TBC1D30: variants seen among roughly 807,000 people sequenced by gnomAD.
TBC1D30 encodes the protein TBC1 domain family member 30, also known as TBC1 domain family, member 30.
Under a neutral mutation model 63.2 loss-of-function variants are expected in TBC1D30, and 31 were observed. The ratio of observed to expected loss-of-function variants is 0.49; its 90% CI spans 0.37 to 0.66. The LOEUF is 0.66. Among genes scored for constraint, TBC1D30 ranks in the 30% least tolerant of loss-of-function variants. The pLI is 0.00. For missense variants in TBC1D30, 810 were observed against 953.6 expected, an observed-to-expected ratio of 0.85 and a Z score of 1.98; for synonymous variants, 307 against 361.5, an observed-to-expected ratio of 0.85 and a Z score of 1.71.
intron 1 of TBC1D30, among the ~76,000 whole-genome samples, chr12:64,762,433 CA>C (rs1408676150): frequency 6.6e-6 from 1 of 151,994 alleles, no homozygotes; most frequent in Non-Finnish European, 1.5e-5. Flanking sequence ...GAGGGTAGAC[CA>C]ATTAGGTAGA....
In TBC1D30 at chr12:64,876,402, A is replaced by G. The variant is rs1879081626; in HGVS notation, c.*614A>G. The G allele has an allele frequency of 6.2e-6, 1 of 161,084 alleles. No individual in the cohort carries two copies. The highest frequency in any genetic ancestry group is 2.4e-5 in the African/African-American group (1 of 41,648). 10.0% of individuals were successfully genotyped at this position (161,084 alleles called of 1,614,324 possible). A position where few individuals can be genotyped will look rare whatever the true frequency, so the allele number is the denominator to read the frequency against. ...CTTTAACTGTCTATTTCTACCTGCA[A>G]AATGAAGAAAACCTTTCATCTGTTG... On this transcript the variant is annotated 3_prime_UTR_variant, in exon 12 of 12. Transcript: ENST00000539867.
chr12:64,865,396 G>A (rs1878126402), intron 9 of TBC1D30, among the ~76,000 whole-genome samples: 1 of 151,466 alleles, frequency 6.6e-6, no homozygotes, highest in Non-Finnish European at 1.5e-5. Flanking sequence ...TAAAAAAAGG[G>A]AAAAAATTAA....
chr12:64,872,436 GAA>G (rs754805551), intron 11 of TBC1D30, among the ~76,000 whole-genome samples: 25 of 152,288 alleles, frequency 1.6e-4, no homozygotes, highest in Non-Finnish European at 2.9e-4. Flanking sequence ...TCCTTTACAG[GAA>G]AAGTTTGCTG....
chr12:64,862,543 G>C (rs1271101623), intron 8 of TBC1D30, among the ~76,000 whole-genome samples: 5 of 152,118 alleles, frequency 3.3e-5, no homozygotes, highest in Non-Finnish European at 7.4e-5. Flanking sequence ...TGCAGTAGGG[G>C]GAGGATGTAC....
chr12:64,785,975 G>T, exon 2 of TBC1D30: 1 of 1,289,822 alleles, frequency 7.8e-7, no homozygotes, highest in Non-Finnish European at 1.0e-6. Context: ...AGAAAGATAG[G>T]CTTCTGCATA....
chr12:64,810,091 A>G (rs1039006777), intron 2 of TBC1D30, among the ~76,000 whole-genome samples: 37 of 151,910 alleles, frequency 2.4e-4, no homozygotes, highest in Admixed American at 2.1e-3. Context: ...ACCCTGCTCC[A>G]TCTCCTGTGA....
chr12:64,875,960 G>A lies in TBC1D30; in HGVS notation c.*172G>A, dbSNP rs191566076. The A allele has an allele frequency of 1.7e-6, 1 of 597,298 alleles. No homozygotes were observed. Among genetic ancestry groups the A allele is most frequent in the Admixed American group, 3.6e-5 (1 of 27,428 alleles). 37.0% of individuals were successfully genotyped at this position (597,298 alleles called of 1,614,324 possible). On this transcript the variant is annotated 3_prime_UTR_variant, in exon 12 of 12. Transcript: ENST00000539867. ...GTTTTATAATAGGAGTTAGAACAGG[G>A]CTGTTTTCCCAGCTACTTGCTAACT...
intron 1 of TBC1D30, among the ~76,000 whole-genome samples, chr12:64,770,358 A>G (rs1870860939): frequency 6.6e-6 from 1 of 152,160 alleles, no homozygotes; most frequent in Non-Finnish European, 1.5e-5. Context: ...CAAGCCTGAA[A>G]ATTAAGATTT....
chr12:64,871,265 A>G (rs1878636955), intron 11 of TBC1D30, among the ~76,000 whole-genome samples: 1 of 152,208 alleles, frequency 6.6e-6, no homozygotes, highest in South Asian at 2.1e-4. Context: ...AACATTAAAA[A>G]CCTGTGCCTT....
intron 2 of TBC1D30, among the ~76,000 whole-genome samples, chr12:64,788,192 G>GGGGTGT (rs113412056): frequency 6.9e-6 from 1 of 145,052 alleles, no homozygotes; most frequent in African/African-American, 2.5e-5. Flanking sequence ...GGTGTGTAGG[G>GGGGTGT]GTGTGTGTGT....
intron 8 of TBC1D30, among the ~76,000 whole-genome samples, chr12:64,862,420 G>C (rs1176210573): frequency 6.6e-6 from 1 of 152,234 alleles, no homozygotes; most frequent in African/African-American, 2.4e-5. Context: ...ACATGAAGTA[G>C]AGGATGAAAG....
chr12:64,862,187 A>G (rs1044036858), intron 8 of TBC1D30, among the ~76,000 whole-genome samples: 5 of 152,100 alleles, frequency 3.3e-5, no homozygotes, highest in African/African-American at 1.2e-4. Context: ...TCTGTTGTAA[A>G]TCTCCGACTT....
At chr12:64,870,854 T>C (rs1244777694) in intron 11 of TBC1D30, 46 bp downstream of exon 11, 1 of 1,522,908 alleles carries the variant, frequency 6.6e-7, no homozygotes, top group Non-Finnish European at 8.8e-7. Flanking sequence ...TATCTCAACT[T>C]GTAAAATGAA....
intron 1 of TBC1D30, among the ~76,000 whole-genome samples, chr12:64,770,367 T>C (rs1338186847): frequency 6.6e-6 from 1 of 152,178 alleles, no homozygotes; most frequent in Non-Finnish European, 1.5e-5. Context: ...AAATTAAGAT[T>C]TGTGCAAATG....
At chr12:64,797,490 T>C (rs977856453) in intron 2 of TBC1D30, among the ~76,000 whole-genome samples, 5 of 152,226 alleles carry the variant, frequency 3.3e-5, no homozygotes, top group Admixed American at 1.3e-4. Context: ...AACTCAAGTC[T>C]CTGCACATTC....
At chr12:64,847,066 T>C (rs921982777) in intron 8 of TBC1D30, among the ~76,000 whole-genome samples, 1 of 152,266 alleles carries the variant, frequency 6.6e-6, no homozygotes, top group Middle Eastern at 3.4e-3. Flanking sequence ...GTCTTGTTAC[T>C]TGTTATTGGT....
At chr12:64,772,221 G>C (rs1490206501) in intron 1 of TBC1D30, among the ~76,000 whole-genome samples, 1 of 123,814 alleles carries the variant, frequency 8.1e-6, no homozygotes, top group African/African-American at 3.1e-5. Flanking sequence ...TGGGCAACAA[G>C]AGTGAAACTC....
intron 2 of TBC1D30, among the ~76,000 whole-genome samples, chr12:64,793,170 A>G (rs1565644279): frequency 6.6e-6 from 1 of 151,978 alleles, no homozygotes; most frequent in Non-Finnish European, 1.5e-5. Flanking sequence ...GTAAGACCTC[A>G]TCACTAAAAA....
chr12:64,870,687 T>C lies in TBC1D30; in HGVS notation c.1377T>C (p.His459=). The change falls in exon 11 of 12, where the codon CAT becomes CAC. Residue 459 remains histidine (H), a synonymous_variant. Transcript: ENST00000539867. ...GAINSCRSEY[H]AAFNSMMMER... is the part of the protein sequence containing the mutation. Reference sequence around the variant, plus strand: ...TCAATTCCTGTCGAAGTGAATACCATGCAGCTTTTAACAGTATGATGATGG... The same window carrying C: ...TCAATTCCTGTCGAAGTGAATACCACGCAGCTTTTAACAGTATGATGATGG... 2 of 1,536,106 alleles carry C rather than the reference T, an allele frequency of 1.3e-6. No homozygotes were observed. The highest frequency in any genetic ancestry group is 1.7e-6 in the Non-Finnish European group (2 of 1,146,894).
Sources: gnomAD v4.1 joint callset for allele counts (sites outside exome capture counted in the v4.1 genomes callset) on GRCh38, gnomAD v4.1.1 for gene constraint, MANE v1.5 for transcripts, NCBI Gene and HGNC (gene_info 2026-07-23, HGNC 2026-07-21) for gene names.